Variants in DNAH2 observed in about 807,000 individuals in gnomAD.
The protein encoded by DNAH2 is axonemal beta dynein heavy chain 2.
DNAH2 carries 323 observed loss-of-function variants against 523.5 expected under a neutral mutation model. That is an observed-to-expected ratio of 0.62 (90% CI 0.56 to 0.68). The LOEUF is 0.68. DNAH2 is among the 30% of genes least tolerant of loss of function. The probability of loss-of-function intolerance (pLI) is 0.00; values close to 1 mark genes in which losing one functional copy is unlikely to be tolerated. For missense variants in DNAH2, 4,907 were observed against 5,701.5 expected, an observed-to-expected ratio of 0.86 and a Z score of 4.49; for synonymous variants, 2,093 against 2,177.4, an observed-to-expected ratio of 0.96 and a Z score of 1.08.
chr17:7,766,128 C>T (rs1009859219), intron 21 of DNAH2, among the ~76,000 whole-genome samples, 190 bp from the exon 22 acceptor site: 1 of 152,154 alleles, frequency 6.6e-6, no homozygotes, highest in Non-Finnish European at 1.5e-5. Flanking sequence ...GTTCCTGACT[C>T]TCAAGCCACA....
intron 73 of DNAH2, among the ~76,000 whole-genome samples, chr17:7,823,080 G>T (rs976784718): frequency 3.9e-5 from 6 of 152,138 alleles, no homozygotes; most frequent in African/African-American, 1.4e-4. Context: ...GATCACCTGA[G>T]ATCAGGAGTT....
Position 7,760,986 on chromosome 17 carries a change from G to C in DNAH2, c.2978+54G>C. On this transcript the variant is annotated intron_variant, in intron 18 of 85. Coordinates refer to ENST00000572933, the MANE Select transcript of DNAH2 (RefSeq NM_020877.5). This position sits in a 1 kb window ranked among gnomAD's most constrained non-coding sequence, Gnocchi z 4.0. ...GTCTGTAGGAGGCACAGCACTGCAG[G>C]AGGAGCCCAGGCCTAGAGTCTTGGG... 6.3e-7 allele frequency: 1 copy of C among 1,596,394 alleles called. No homozygotes were observed. Among genetic ancestry groups the C allele is most frequent in the Non-Finnish European group, 8.5e-7 (1 of 1,170,154 alleles).
rs1372642107 is a variant in DNAH2 at position 7,733,374 on chromosome 17, G to C, written c.628+59G>C. The C allele has an allele frequency of 5.8e-6, 9 of 1,553,310 alleles. No individual in the cohort carries two copies. In the Admixed American group the frequency reaches 1.4e-4, roughly 24 times the overall value. The stretch of plus-strand genomic sequence containing the variant: ...TTAGTGTCCCCCAACTGTACAACTA[G>C]TGAAGTGGTGGGTCCTTCGTCTGAG... On this transcript the variant is annotated intron_variant, in intron 5 of 85. Transcript: ENST00000572933.
chr17:7,748,808 T>A (rs958866521), intron 12 of DNAH2, among the ~76,000 whole-genome samples: 21 of 135,068 alleles, frequency 1.6e-4, no homozygotes, highest in Admixed American at 1.5e-3. Context: ...GCCACACAGA[T>A]TTTTTTTTTT....
chr17:7,748,345 C>T (rs926085416), intron 12 of DNAH2, among the ~76,000 whole-genome samples: 5 of 152,114 alleles, frequency 3.3e-5, no homozygotes, highest in Admixed American at 6.5e-5. Flanking sequence ...CTTTTTTCCC[C>T]GGTCACAGAG....
rs1394905602 is a variant in DNAH2, at chr17:7,796,484, A to G, written c.7695A>G (p.Ile2565Met). 1 of 1,613,770 alleles carries G rather than the reference A, an allele frequency of 6.2e-7. No individual in the cohort carries two copies. The highest frequency in any genetic ancestry group is 2.2e-5 in the East Asian group (1 of 44,828). Residue 2565 changes from isoleucine (I) to methionine (M), a missense_variant, in exon 50 of 86, where the codon ATA becomes ATG. Around this residue, in one of 3 missense-constraint regions of DNAH2, gnomAD observed 250 missense variants for 371.3 expected, o/e 0.67. Transcript: ENST00000572933. ...TCTAGAAGTCCCAGATCATCCGCAT[A>G]TTCGGCACCATGATCAATCAGAAGC... Reference protein sequence around the residue: ...TFPTKSQIIRIFGTMINQKLQ... With the variant: ...TFPTKSQIIRMFGTMINQKLQ...
intron 12 of DNAH2, among the ~76,000 whole-genome samples, chr17:7,744,289 G>A (rs546441300): frequency 2.5e-5 from 3 of 117,996 alleles, no homozygotes; most frequent in East Asian, 2.4e-4. Flanking sequence ...GTGAGTCTCC[G>A]TCTCAAAAAA....
Position 7,734,303 on chromosome 17 carries a change from T to C in DNAH2, c.739+10T>C, listed in dbSNP as rs2075077573. ...GTGCAACGGCTAGAGAGTGAGTGGC[T>C]GGCACTGCTAGCATCACCTGGCGAT... On this transcript the variant is annotated intron_variant, in intron 6 of 85. Coordinates refer to ENST00000572933, the MANE Select transcript of DNAH2 (RefSeq NM_020877.5). 3 of 1,606,762 alleles carry C rather than the reference T, an allele frequency of 1.9e-6. No individual in the cohort carries two copies. Among genetic ancestry groups the C allele is most frequent in the South Asian group, 1.1e-5 (1 of 89,966 alleles).
chr17:7,766,602 G>A (rs368135431), intron 22 of DNAH2, 121 bp downstream of exon 22: 91 of 480,150 alleles, frequency 1.9e-4, no homozygotes, highest in African/African-American at 1.8e-3. Flanking sequence ...GCTTTTGTTT[G>A]TTTCAGTTGA....
Position 7,808,369 on chromosome 17 carries a change from G to GA in DNAH2, c.9729+799dup, listed in dbSNP as rs1210962027. 4.4e-3 allele frequency among the ~76,000 whole-genome samples: 452 copies of GA among 103,216 alleles called. 1 individual carries two copies. Among genetic ancestry groups the GA allele is most frequent in the South Asian group, 0.022 (75 of 3,352 alleles). 67.7% of individuals were successfully genotyped at this position (103,216 alleles called of 152,430 possible). ...CTGGCGACAGAGTGAGACTGTCTCA[G>GA]AAAAAAAAAAAAAAAAGATGCATGC... On this transcript the variant is annotated intron_variant, in intron 63 of 85. Transcript: ENST00000572933.
chr17:7,787,717 C>T (rs566832759), intron 42 of DNAH2, 143 bp from the exon 43 acceptor site: 202 of 1,118,478 alleles, frequency 1.8e-4, no homozygotes, highest in Non-Finnish European at 2.2e-4. Context: ...GCCTGGGTGA[C>T]GGAGTGAGAC....
At chr17:7,729,396 A>G (rs1476728326) in intron 4 of DNAH2, among the ~76,000 whole-genome samples, 1 of 151,906 alleles carries the variant, frequency 6.6e-6, no homozygotes, top group Non-Finnish European at 1.5e-5. Flanking sequence ...AGAAAAAAAA[A>G]AAAAGAGAGA....
At chr17:7,723,838 T>C in intron 3 of DNAH2, 149 bp downstream of exon 3, 1 of 749,760 alleles carries the variant, frequency 1.3e-6, no homozygotes, top group Non-Finnish European at 2.3e-6. Context: ...ACAAATCCAG[T>C]TCACTGAGTA....
intron 33 of DNAH2, among the ~76,000 whole-genome samples, 199 bp downstream of exon 33, chr17:7,777,833 T>A (rs1017000607): frequency 6.6e-6 from 1 of 152,224 alleles, no homozygotes; most frequent in African/African-American, 2.4e-5. Context: ...TCACTATGAA[T>A]GTCACTTGAA....
chr17:7,728,572 A>G (rs1358877876), intron 4 of DNAH2, among the ~76,000 whole-genome samples: 2 of 152,264 alleles, frequency 1.3e-5, no homozygotes, highest in Admixed American at 6.5e-5. Flanking sequence ...ATACATTTTA[A>G]TATAAAAGTA....
chr17:7,808,720 C>A (rs1438326659), intron 63 of DNAH2, among the ~76,000 whole-genome samples: 1 of 152,196 alleles, frequency 6.6e-6, no homozygotes, highest in Non-Finnish European at 1.5e-5. Flanking sequence ...AGAGATTCTC[C>A]TGCCTCAGCC....
Position 7,799,858 on chromosome 17 carries a change from A to G in DNAH2, c.8699+616A>G, listed in dbSNP as rs554659157. Among the ~76,000 whole-genome samples, 3 of 152,260 alleles carry G rather than the reference A, an allele frequency of 2.0e-5. No homozygotes were observed. The East Asian group carries it at 5.8e-4, about 29-fold the overall frequency. On this transcript the variant is annotated intron_variant, in intron 56 of 85. Transcript: ENST00000572933. The stretch of plus-strand genomic sequence containing the variant: ...ACACACACCCAAAATGTATCATCTT[A>G]ATCGTTTCTGAGTGCAGTGCTCAGT...
At chr17:7,720,039 G>A (rs1293975179) in intron 2 of DNAH2, 139 bp downstream of exon 2, 1 of 1,060,362 alleles carries the variant, frequency 9.4e-7, no homozygotes, top group Non-Finnish European at 1.3e-6. Context: ...CCCAGCCATG[G>A]AGGTTCAGCA....
intron 4 of DNAH2, 100 bp downstream of exon 4, chr17:7,727,392 G>A (rs532879723): frequency 1.9e-5 from 28 of 1,454,614 alleles, no homozygotes; most frequent in Middle Eastern, 1.9e-4. Context: ...CTGTGCCCAC[G>A]GCCTATTGAG....
Sources: gnomAD v4.1 joint callset for allele counts (sites outside exome capture counted in the v4.1 genomes callset) on GRCh38, gnomAD v4.1.1 for gene constraint, gnomAD v4.1.1 regional missense constraint, Gnocchi (gnomAD v3.1) non-coding constraint, MANE v1.5 for transcripts, NCBI Gene and HGNC (gene_info 2026-07-23, HGNC 2026-07-21) for gene names.